CYSLTR2: variants seen among roughly 807,000 people sequenced by gnomAD.
CYSLTR2 encodes cysteinyl leukotriene receptor 2, also known as G-protein coupled receptor GPCR21.
For missense variants in CYSLTR2, 398 were observed against 411.9 expected (o/e 0.97, Z 0.29); for synonymous variants, 179 against 160.8 (o/e 1.11, Z -0.86).
chr13:48,680,792 TTTC>T (rs1455994886), intron 1 of CYSLTR2, among the ~76,000 whole-genome samples: 4 of 117,450 alleles, frequency 3.4e-5, no homozygotes, highest in Non-Finnish European at 7.2e-5. Flanking sequence ...TTTCTTTTCT[TTTC>T]TTTTCTTTTT....
At chr13:48,669,359 T>C (rs1254505072) in intron 1 of CYSLTR2, among the ~76,000 whole-genome samples, 1 of 152,078 alleles carries the variant, frequency 6.6e-6, no homozygotes, top group Non-Finnish European at 1.5e-5. Context: ...ACACATGCCA[T>C]GATTGTTTGC....
intron 1 of CYSLTR2, among the ~76,000 whole-genome samples, chr13:48,660,268 T>C (rs1019477403): frequency 6.6e-6 from 1 of 152,172 alleles, no homozygotes; most frequent in African/African-American, 2.4e-5. Context: ...CTGCTAGGTT[T>C]CAATCCCTGC....
At chr13:48,693,970 T>C (rs954801945) in intron 3 of CYSLTR2, among the ~76,000 whole-genome samples, 1 of 152,214 alleles carries the variant, frequency 6.6e-6, no homozygotes, top group Admixed American at 6.5e-5. Context: ...GTGCCCACTG[T>C]AGAGATAAAC....
intron 4 of CYSLTR2, 146 bp from the exon 5 acceptor site, chr13:48,706,671 T>A: frequency 1.6e-6 from 1 of 635,508 alleles, no homozygotes; most frequent in Non-Finnish European, 2.7e-6. Context: ...AGTAAAGACT[T>A]AACCAGTGTT....
At chr13:48,666,374 G>T (rs1566082736) in intron 1 of CYSLTR2, among the ~76,000 whole-genome samples, 1 of 151,990 alleles carries the variant, frequency 6.6e-6, no homozygotes, top group Non-Finnish European at 1.5e-5. Flanking sequence ...AATGTGACTT[G>T]GGGAGGATCT....
At chr13:48,661,086 T>C (rs1953115849) in intron 1 of CYSLTR2, among the ~76,000 whole-genome samples, 1 of 152,098 alleles carries the variant, frequency 6.6e-6, no homozygotes, top group East Asian at 1.9e-4. Flanking sequence ...ACCCCTTTCT[T>C]TTATTTATTT....
rs577293059 is a variant in CYSLTR2, at chr13:48,691,259, C to T, written c.-218C>T. 11 of 152,046 alleles carry T rather than the reference C, an allele frequency of 7.2e-5. No individual in the cohort carries two copies. Among genetic ancestry groups the T allele is most frequent in the Admixed American group, 3.9e-4 (6 of 15,254 alleles). 9.4% of individuals were successfully genotyped at this position (152,046 alleles called of 1,614,324 possible). ...TTAAATTATGGATATCCAAGGGAGT[C>T]TATAGAAGGTCCATGCAAGGTATGG... On this transcript the variant is annotated 5_prime_UTR_variant, in exon 2 of 5. Coordinates refer to ENST00000682523, the MANE Select transcript of CYSLTR2 (RefSeq NM_001308476.3).
chr13:48,668,360 G>A (rs748216167), intron 1 of CYSLTR2, among the ~76,000 whole-genome samples: 1 of 152,124 alleles, frequency 6.6e-6, no homozygotes, highest in Non-Finnish European at 1.5e-5. Flanking sequence ...TGAGGAAGAG[G>A]GGGGAATAGG....
chr13:48,708,547 G>A lies in CYSLTR2; in HGVS notation c.*689G>A, dbSNP rs956534078. 1 of 167,138 alleles carries A rather than the reference G, an allele frequency of 6.0e-6. No homozygotes were observed. The highest frequency in any genetic ancestry group is 2.4e-5 in the African/African-American group (1 of 41,456). The allele number at this position is 167,138 out of a possible 1,614,324, so 10.4% of individuals were successfully genotyped here. ...TTAGGAAGGACAGGAAAAGTAGGAG[G>A]AGGATCTGGGGCATTGCCCTAGGAA... On this transcript the variant is annotated 3_prime_UTR_variant, in exon 5 of 5. Transcript: ENST00000682523.
intron 1 of CYSLTR2, among the ~76,000 whole-genome samples, chr13:48,674,872 G>A (rs889851436): frequency 6.6e-6 from 1 of 152,220 alleles, no homozygotes; most frequent in Non-Finnish European, 1.5e-5. Flanking sequence ...CCTTCTAACA[G>A]TCAGGCCTGT....
intron 4 of CYSLTR2, among the ~76,000 whole-genome samples, chr13:48,698,732 A>G (rs898752530): frequency 1.3e-5 from 2 of 152,200 alleles, no homozygotes; most frequent in East Asian, 1.9e-4. Flanking sequence ...CTGGCAAATC[A>G]GATAAAGAGT....
At chr13:48,672,616 C>CTTTTTTTTT (rs71076039) in intron 1 of CYSLTR2, among the ~76,000 whole-genome samples, 7 of 120,116 alleles carry the variant, frequency 5.8e-5, no homozygotes, top group Non-Finnish European at 8.6e-5. Flanking sequence ...CTTTTCTTTT[C>CTTTTTTTTT]TTTTTTTTTT....
intron 4 of CYSLTR2, among the ~76,000 whole-genome samples, chr13:48,697,655 C>T (rs112267608): frequency 0.02 from 3,081 of 152,264 alleles, 88 homozygotes; most frequent in African/African-American, 0.06. Flanking sequence ...CAAAGCTGGA[C>T]GGAGAATGAC....
In CYSLTR2 at chr13:48,680,643, C is replaced by T. The variant is rs79690743; in HGVS notation, c.-265-10569C>T. Among the ~76,000 whole-genome samples the T allele has an allele frequency of 8.9e-4, 136 of 152,252 alleles. 2 individuals carry two copies. In the East Asian group the frequency reaches 0.02, roughly 23 times the overall value. ...ATGCTCACTCCTCTCCCATTAAGGC[C>T]GTGGAAATTATGCTGCCAAATAATT... On this transcript the variant is annotated intron_variant, in intron 1 of 4. Coordinates refer to ENST00000682523, the MANE Select transcript of CYSLTR2 (RefSeq NM_001308476.3).
At chr13:48,684,731 G>C (rs1389887046) in intron 1 of CYSLTR2, among the ~76,000 whole-genome samples, 1 of 152,110 alleles carries the variant, frequency 6.6e-6, no homozygotes, top group African/African-American at 2.4e-5. Flanking sequence ...TGTGAAAGTG[G>C]CCTTATTTGG....
At chr13:48,697,844 C>T (rs1034516088) in intron 4 of CYSLTR2, among the ~76,000 whole-genome samples, 4 of 152,148 alleles carry the variant, frequency 2.6e-5, no homozygotes, top group African/African-American at 9.7e-5. Context: ...GAGCTGAAAA[C>T]CACAGCACAA....
At chr13:48,706,001 T>G (rs866644513) in intron 4 of CYSLTR2, among the ~76,000 whole-genome samples, 4,304 of 148,088 alleles carry the variant, frequency 0.029, 247 homozygotes, top group African/African-American at 0.1. Context: ...TTGTTGTTGT[T>G]TTTTTTTTTT....
intron 3 of CYSLTR2, among the ~76,000 whole-genome samples, chr13:48,694,186 A>G (rs113646126): frequency 6.8e-4 from 103 of 151,940 alleles, no homozygotes; most frequent in African/African-American, 2.4e-3. Context: ...CGAAAAAAAC[A>G]GTAGTTCTCA....
chr13:48,706,146 G>A (rs11617924), intron 4 of CYSLTR2, among the ~76,000 whole-genome samples: 24,576 of 151,730 alleles, frequency 0.16, 2,120 homozygotes, highest in Middle Eastern at 0.29. Flanking sequence ...ACAGGTGCCT[G>A]CCACTGGGCC....
Sources: allele counts gnomAD v4.1 joint callset (sites outside exome capture counted in the v4.1 genomes callset), GRCh38; gene constraint gnomAD v4.1.1; transcripts MANE v1.5; gene names NCBI Gene and HGNC (gene_info 2026-07-23, HGNC 2026-07-21).